The following TNN variants were observed in gnomAD, a reference collection of about 807,000 sequenced individuals.
The protein encoded by TNN is tenascin-N.
Under a neutral mutation model 134.4 loss-of-function variants are expected in TNN, and 122 were observed. The ratio of observed to expected loss-of-function variants is 0.91; its 90% confidence interval spans 0.78 to 1.06. TNN has a LOEUF of 1.06. Ranked by LOEUF, TNN falls within the 50% of genes least tolerant of loss-of-function variation. The probability of loss-of-function intolerance (pLI) is 0.00; values close to 1 mark genes in which losing one functional copy is unlikely to be tolerated. For synonymous variants in TNN, 710 were observed against 670.3 expected (o/e 1.06, Z -0.91); for missense variants, 1,739 against 1,699.4 (o/e 1.02, Z -0.41).
chr1:175,094,906 G>T (rs1220358503), intron 7 of TNN, among the ~76,000 whole-genome samples: 1 of 152,186 alleles, frequency 6.6e-6, no homozygotes, highest in Non-Finnish European at 1.5e-5. Flanking sequence ...AAATCAGAGG[G>T]AAAGGCTTCG....
intron 18 of TNN, among the ~76,000 whole-genome samples, chr1:175,144,985 G>C (rs547370939): frequency 1.3e-5 from 2 of 152,178 alleles, no homozygotes; most frequent in Admixed American, 6.5e-5. Context: ...TTTGGTTCTT[G>C]GTGGTGGACC....
chr1:175,115,005 C>G (rs2101833394), intron 9 of TNN, among the ~76,000 whole-genome samples: 1 of 152,216 alleles, frequency 6.6e-6, no homozygotes, highest in African/African-American at 2.4e-5. Flanking sequence ...ACAACAATGA[C>G]TCTACTCCCT....
At chr1:175,079,755 G>T in intron 3 of TNN, 48 bp downstream of exon 3, 1 of 1,527,844 alleles carries the variant, frequency 6.5e-7, no homozygotes. Flanking sequence ...TCTTTCCAAT[G>T]CACCATTTAA....
At chr1:175,085,545 A>G in intron 6 of TNN, 51 bp downstream of exon 6, 3 of 1,293,912 alleles carry the variant, frequency 2.3e-6, no homozygotes, top group Admixed American at 1.9e-5. Flanking sequence ...TTGCATTCTC[A>G]TATTTTTCTT....
At chr1:175,123,743 G>A (rs1195777732) in intron 12 of TNN, 80 bp downstream of exon 12, 4 of 1,579,742 alleles carry the variant, frequency 2.5e-6, no homozygotes, top group East Asian at 4.5e-5. Flanking sequence ...CTGGGGAGGG[G>A]AGCAGGAGGG....
rs902945129 is a variant in TNN, at chr1:175,106,117, C to A, written c.2119+7522C>A. Among the ~76,000 whole-genome samples, 2 of 145,268 alleles carry A rather than the reference C, an allele frequency of 1.4e-5. 1 individual carries two copies. ...TGTCCTCCTAGACCACAAGGAGGAC[C>A]GACTGAGAAAAATCAGATTTAGTGG... On this transcript the variant is annotated intron_variant, in intron 9 of 18. Transcript: ENST00000239462.
chr1:175,123,856 GGAGT>G (rs3833964), intron 12 of TNN, among the ~76,000 whole-genome samples, 193 bp downstream of exon 12: 126,983 of 151,708 alleles, frequency 0.84, 53,274 homozygotes, highest in Non-Finnish European at 0.85. Context: ...GAGTATAGAG[GGAGT>G]GAGTGCTGGT....
At chr1:175,103,782 T>C (rs1439060605) in intron 9 of TNN, among the ~76,000 whole-genome samples, 1 of 145,162 alleles carries the variant, frequency 6.9e-6, no homozygotes, top group Non-Finnish European at 1.5e-5. Context: ...TCTCTTTTCT[T>C]CTTGCTGGTC....
At chr1:175,088,171 C>T (rs1023274756) in intron 6 of TNN, among the ~76,000 whole-genome samples, 8 of 152,094 alleles carry the variant, frequency 5.3e-5, no homozygotes, top group African/African-American at 9.7e-5. Flanking sequence ...CAACTGTGAG[C>T]GCCTCTCTCC....
chr1:175,120,475 C>T (rs34839178), intron 11 of TNN, among the ~76,000 whole-genome samples: 6,076 of 152,260 alleles, frequency 0.04, 143 homozygotes, highest in Admixed American at 0.059. Context: ...AGGGCTGATA[C>T]GGTAGCTCCT....
At chr1:175,126,692 C>A (rs965402820) in intron 12 of TNN, among the ~76,000 whole-genome samples, 1 of 152,120 alleles carries the variant, frequency 6.6e-6, no homozygotes, top group East Asian at 1.9e-4. Context: ...TTTGTGGGAA[C>A]CTGCCTGGGA....
chr1:175,134,147 C>T (rs959395027), intron 15 of TNN, among the ~76,000 whole-genome samples: 2 of 152,220 alleles, frequency 1.3e-5, no homozygotes, highest in Non-Finnish European at 2.9e-5. Context: ...ATAGACCTCT[C>T]TTTAGAACTC....
chr1:175,111,488 A>T (rs1321008678), intron 9 of TNN, among the ~76,000 whole-genome samples: 1 of 7,574 alleles, frequency 1.3e-4, no homozygotes, highest in East Asian at 2.5e-3. Flanking sequence ...CTCTGTCTCA[A>T]AAAAAAAAAA....
intron 4 of TNN, among the ~76,000 whole-genome samples, chr1:175,082,757 G>C (rs1213326847): frequency 6.6e-6 from 1 of 152,196 alleles, no homozygotes; most frequent in Admixed American, 6.5e-5. Context: ...GACACCTCCA[G>C]GGAGGTGAAG....
intron 1 of TNN, among the ~76,000 whole-genome samples, chr1:175,076,990 G>A (rs1343653094): frequency 2.0e-5 from 3 of 152,226 alleles, no homozygotes; most frequent in Non-Finnish European, 4.4e-5. Flanking sequence ...AGTGCTCTAT[G>A]TGCAGCTCAT....
intron 6 of TNN, among the ~76,000 whole-genome samples, chr1:175,086,252 G>T (rs1411550339): frequency 6.6e-6 from 1 of 152,146 alleles, no homozygotes; most frequent in Non-Finnish European, 1.5e-5. Flanking sequence ...ACCCTCACAT[G>T]GGAGTAGTGG....
chr1:175,142,803 A>T (rs555803686), intron 17 of TNN, among the ~76,000 whole-genome samples: 1 of 152,136 alleles, frequency 6.6e-6, no homozygotes, highest in South Asian at 2.1e-4. Context: ...TTTTCAGTAG[A>T]GACGGCGTTT....
At chr1:175,118,500 A>G in intron 10 of TNN, 61 bp from the exon 11 acceptor site, 1 of 1,591,118 alleles carries the variant, frequency 6.3e-7, no homozygotes, top group Non-Finnish European at 8.6e-7. Flanking sequence ...CAAAATGACC[A>G]CCAGTTTCTG....
chr1:175,106,881 A>G (rs1674869790), intron 9 of TNN, among the ~76,000 whole-genome samples: 1 of 145,924 alleles, frequency 6.9e-6, no homozygotes, highest in Non-Finnish European at 1.5e-5. Flanking sequence ...GCCCTTTCCC[A>G]GAAAGCTTGA....
Sources: allele counts gnomAD v4.1 joint callset (sites outside exome capture counted in the v4.1 genomes callset), GRCh38; gene constraint gnomAD v4.1.1; transcripts MANE v1.5; gene names NCBI Gene and HGNC (gene_info 2026-07-23, HGNC 2026-07-21).